The following OR1L8 variants were observed in gnomAD, a reference collection of about 807,000 sequenced individuals.
OR1L8 encodes the protein olfactory receptor family 1 subfamily L member 8, also known as olfactory receptor 1L8.
For synonymous variants in OR1L8, 148 were observed against 147.0 expected (o/e 1.01, Z -0.05); for missense variants, 330 against 377.4 (o/e 0.87, Z 1.04).
At chr9:122,582,832 G>A (rs1487090742) in intron 1 of OR1L8, among the ~76,000 whole-genome samples, 1 of 151,794 alleles carries the variant, frequency 6.6e-6, no homozygotes, top group East Asian at 1.9e-4. Context: ...AAAATAATCA[G>A]GAGTACATAT....
At chr9:122,547,023 A>G in the OR1L8 span, among the ~76,000 whole-genome samples, 72 of 152,252 alleles carry the variant, frequency 4.7e-4, no homozygotes, top group Non-Finnish European at 8.5e-4. Flanking sequence ...GTCATCCTAC[A>G]GTGGTATAGA....
At chr9:122,558,816 A>C in the OR1L8 span, among the ~76,000 whole-genome samples, 1 of 151,732 alleles carries the variant, frequency 6.6e-6, no homozygotes, top group African/African-American at 2.4e-5. Context: ...CCTATATATC[A>C]TGCTTTTAAA....
the OR1L8 span, among the ~76,000 whole-genome samples, chr9:122,556,907 A>G: frequency 2.4e-5 from 3 of 123,318 alleles, no homozygotes; most frequent in African/African-American, 9.0e-5. Flanking sequence ...TCATTTATTT[A>G]GTTCTTATTT....
chr9:122,569,786 G>T (rs774427665), intron 4 of OR1L8, among the ~76,000 whole-genome samples: 1 of 151,880 alleles, frequency 6.6e-6, no homozygotes, highest in African/African-American at 2.4e-5. Context: ...CCATTAACTC[G>T]TCATTTAGCA....
At chr9:122,552,061 T>A in the OR1L8 span, among the ~76,000 whole-genome samples, 2,135 of 106,038 alleles carry the variant, frequency 0.02, 27 homozygotes, top group South Asian at 0.069. Flanking sequence ...ACATACACTC[T>A]CTCTCTCTCT....
intron 1 of OR1L8, among the ~76,000 whole-genome samples, chr9:122,582,575 C>G (rs1015463420): frequency 2.0e-5 from 3 of 151,808 alleles, no homozygotes; most frequent in African/African-American, 4.8e-5. Flanking sequence ...AAAAAATTAG[C>G]TGGGCATAGT....
the OR1L8 span, chr9:122,554,069 C>T: frequency 3.7e-6 from 6 of 1,613,512 alleles, no homozygotes; most frequent in East Asian, 1.3e-4. Flanking sequence ...TGATTATTCC[C>T]ACGCTAAACC....
At chr9:122,571,275 G>A (rs1246089600) in intron 4 of OR1L8, among the ~76,000 whole-genome samples, 2 of 152,128 alleles carry the variant, frequency 1.3e-5, no homozygotes, top group Non-Finnish European at 2.9e-5. Context: ...ATGCATGCCG[G>A]GCGCGGTGGC....
chr9:122,570,478 TGTAA>T (rs1829525915), intron 4 of OR1L8, among the ~76,000 whole-genome samples: 1 of 152,264 alleles, frequency 6.6e-6, no homozygotes, highest in African/African-American at 2.4e-5. Flanking sequence ...ACATTTTTCT[TGTAA>T]GTTACTAAAC....
chr9:122,575,501 T>G (rs56660367), intron 3 of OR1L8, among the ~76,000 whole-genome samples: 6,732 of 152,198 alleles, frequency 0.044, 514 homozygotes, highest in African/African-American at 0.15. Flanking sequence ...GTTCATAGTA[T>G]TTCTTTATTT....
the OR1L8 span, among the ~76,000 whole-genome samples, chr9:122,555,974 T>C: frequency 6.6e-6 from 1 of 152,238 alleles, no homozygotes; most frequent in African/African-American, 2.4e-5. Context: ...TTCATCATTA[T>C]AGTATCATAC....
chr9:122,561,071 CA>C, the OR1L8 span, among the ~76,000 whole-genome samples: 1 of 152,176 alleles, frequency 6.6e-6, no homozygotes, highest in Non-Finnish European at 1.5e-5. Flanking sequence ...CTTATTTCAG[CA>C]TGATGGTCTT....
At chr9:122,580,884 T>C (rs1440111154) in intron 1 of OR1L8, among the ~76,000 whole-genome samples, 5 of 152,176 alleles carry the variant, frequency 3.3e-5, no homozygotes, top group Admixed American at 2.0e-4. Context: ...ACTACTATAA[T>C]GGTAATTTGC....
chr9:122,553,584 C>T, the OR1L8 span: 2,954 of 1,614,008 alleles, frequency 1.8e-3, 44 homozygotes, highest in African/African-American at 0.034. Context: ...GGCATATGAC[C>T]GCTATGTGGC....
At chr9:122,554,799 C>A in the OR1L8 span, among the ~76,000 whole-genome samples, 1 of 105,340 alleles carries the variant, frequency 9.5e-6, no homozygotes, top group East Asian at 2.2e-3. Context: ...AACTTAAAAG[C>A]ACTCTTCTGT....
chr9:122,557,914 TTTC>T, the OR1L8 span, among the ~76,000 whole-genome samples: 1 of 152,054 alleles, frequency 6.6e-6, no homozygotes, highest in South Asian at 2.1e-4. Flanking sequence ...TTAATGTTCA[TTTC>T]TTCTTGTATG....
chr9:122,580,369 C>T (rs557356137), intron 1 of OR1L8, among the ~76,000 whole-genome samples: 2 of 152,114 alleles, frequency 1.3e-5, no homozygotes, highest in Non-Finnish European at 2.9e-5. Flanking sequence ...CACTAGAATG[C>T]GGTCAGAATG....
chr9:122,556,685 G>GA, the OR1L8 span, among the ~76,000 whole-genome samples: 69 of 150,698 alleles, frequency 4.6e-4, no homozygotes, highest in South Asian at 0.013. Flanking sequence ...AAATTTAAAA[G>GA]AAAAAAAAAG....
rs1371193656 is a variant in OR1L8 at position 122,578,454 on chromosome 9, A to G, written c.-599-9T>C. On this transcript the variant is annotated splice_polypyrimidine_tract_variant and intron_variant, in intron 1 of 4. Transcript: ENST00000641027. ...ACAGTGCAAGACTCCATCTCAAAAAAAAAAAAAAAAAGACATCATTATATA... is the reference window on the plus strand; with the variant it reads ...ACAGTGCAAGACTCCATCTCAAAAAGAAAAAAAAAAAGACATCATTATATA... 6.6e-6 allele frequency: 1 copy of G among 151,874 alleles called. No homozygotes were observed. Among genetic ancestry groups the G allele is most frequent in the African/African-American group, 2.4e-5 (1 of 41,364 alleles). 9.4% of individuals were successfully genotyped at this position (151,874 alleles called of 1,614,324 possible).
Sources: allele counts gnomAD v4.1 joint callset (sites outside exome capture counted in the v4.1 genomes callset), GRCh38; gene constraint gnomAD v4.1.1; transcripts MANE v1.5; gene names NCBI Gene and HGNC (gene_info 2026-07-23, HGNC 2026-07-21).